The following GLIS3 variants were observed in gnomAD, a reference collection of about 807,000 sequenced individuals.
GLIS3 encodes zinc finger protein GLIS3.
Under a neutral mutation model 78.6 loss-of-function variants are expected in GLIS3, and 53 were observed. The observed-to-expected ratio is 0.67, with a 90% confidence interval of 0.54 to 0.85. The LOEUF (loss-of-function observed/expected upper bound fraction) is 0.85. Ranked by LOEUF, GLIS3 falls within the 40% of genes least tolerant of loss-of-function variation. The pLI is 0.00. For synonymous variants in GLIS3, 684 were observed against 509.9 expected (o/e 1.34, Z -4.60); for missense variants, 1,703 against 1,231.1 (o/e 1.38, Z -5.74).
intron 2 of GLIS3, among the ~76,000 whole-genome samples, chr9:4,213,610 G>C (rs1185682640): frequency 1.3e-5 from 2 of 152,112 alleles, no homozygotes; most frequent in African/African-American, 2.4e-5. Flanking sequence ...TGTGGCTAGA[G>C]ACTACCATAT....
the GLIS3 span, among the ~76,000 whole-genome samples, chr9:4,486,664 CA>C: frequency 2.6e-5 from 4 of 152,136 alleles, no homozygotes; most frequent in African/African-American, 9.7e-5. Context: ...AGCAAACCTT[CA>C]GGGGACCAAG....
rs1420979758 is a variant in GLIS3 at position 4,118,416 on chromosome 9, C to T, written c.1062G>A (p.Val354=). 6.2e-7 allele frequency: 1 copy of T among 1,609,300 alleles called. No homozygotes were observed. Among genetic ancestry groups the T allele is most frequent in the Admixed American group, 1.7e-5 (1 of 59,970 alleles). The part of the protein sequence containing the change: ...QPEVYGHFLG[V]RGSCIPQPRP... ...GCGGCTGGGGAATGCAGCTGCCGCG[C>T]ACGCCCAGGAAATGCCCGTAGACCT... Residue 354 remains valine (V), a synonymous_variant, in exon 4 of 11, where the codon GTG becomes GTA. Transcript: ENST00000381971. This position sits in a 1 kb window ranked among gnomAD's most constrained non-coding sequence, Gnocchi z 4.7.
chr9:4,198,633 C>T (rs907023584), intron 2 of GLIS3, among the ~76,000 whole-genome samples: 4 of 152,078 alleles, frequency 2.6e-5, no homozygotes, highest in African/African-American at 9.7e-5. Flanking sequence ...CCTTGGAAAA[C>T]ATATTTGAGA....
chr9:4,031,655 C>G (rs560394105), intron 4 of GLIS3, among the ~76,000 whole-genome samples: 2 of 152,236 alleles, frequency 1.3e-5, no homozygotes, highest in African/African-American at 4.8e-5. Context: ...CACTTCCATT[C>G]TTAAAATGTC....
chr9:4,017,807 C>A (rs148275797), intron 4 of GLIS3, among the ~76,000 whole-genome samples: 1 of 152,272 alleles, frequency 6.6e-6, no homozygotes, highest in East Asian at 1.9e-4. Context: ...GAAGGACGGG[C>A]ACTAAGTCTC....
chr9:4,242,749 G>C (rs530497364), intron 2 of GLIS3, among the ~76,000 whole-genome samples: 125 of 152,164 alleles, frequency 8.2e-4, no homozygotes, highest in African/African-American at 2.0e-3. Flanking sequence ...CCCAGATTCA[G>C]AAGATTTTGC....
At chr9:4,416,268 A>ATT in the GLIS3 span, among the ~76,000 whole-genome samples, 2 of 148,512 alleles carry the variant, frequency 1.3e-5, no homozygotes, top group Admixed American at 6.7e-5. Flanking sequence ...AAAAAAAAAA[A>ATT]AAAAAAAAAA....
the GLIS3 span, among the ~76,000 whole-genome samples, chr9:4,373,097 C>G: frequency 2.6e-4 from 39 of 152,326 alleles, no homozygotes; most frequent in African/African-American, 9.4e-4. Flanking sequence ...AGTGGCTTCC[C>G]TGTTTCCTAA....
At chr9:3,866,970 G>A (rs1241763461) in intron 8 of GLIS3, among the ~76,000 whole-genome samples, 3 of 152,154 alleles carry the variant, frequency 2.0e-5, no homozygotes, top group Non-Finnish European at 4.4e-5. Flanking sequence ...GAACTAGGGA[G>A]GAGGATTGGA....
chr9:4,364,806 C>T, the GLIS3 span, among the ~76,000 whole-genome samples: 1 of 106,150 alleles, frequency 9.4e-6, no homozygotes, highest in Admixed American at 1.5e-4. Flanking sequence ...GCTATGTTGC[C>T]CTATTGACCA....
At chr9:4,100,639 T>C (rs1233130803) in intron 4 of GLIS3, among the ~76,000 whole-genome samples, 3 of 152,186 alleles carry the variant, frequency 2.0e-5, no homozygotes, top group Non-Finnish European at 1.5e-5. Context: ...CAGTGGTGTC[T>C]CTTTCTTTTT....
At chr9:4,310,840 T>G (rs548183011) in intron 2 of GLIS3, among the ~76,000 whole-genome samples, 19 of 152,252 alleles carry the variant, frequency 1.2e-4, no homozygotes, top group Admixed American at 1.0e-3. Flanking sequence ...AATAAGTAAA[T>G]GGGGGTGGTG....
intron 2 of GLIS3, among the ~76,000 whole-genome samples, chr9:4,132,589 C>G (rs571374758): frequency 6.6e-6 from 1 of 151,944 alleles, no homozygotes; most frequent in Admixed American, 6.5e-5. Flanking sequence ...TATCAAATGC[C>G]AACCACTAGC....
chr9:4,246,640 C>G (rs989420059), intron 2 of GLIS3, among the ~76,000 whole-genome samples: 1 of 152,170 alleles, frequency 6.6e-6, no homozygotes, highest in Non-Finnish European at 1.5e-5. Flanking sequence ...CCACTAACTG[C>G]TACTGACTCA....
intron 8 of GLIS3, among the ~76,000 whole-genome samples, chr9:3,875,418 A>G (rs1358502697): frequency 6.6e-6 from 1 of 150,816 alleles, no homozygotes; most frequent in African/African-American, 2.4e-5. Context: ...CTGACTTCTG[A>G]CAGTGACTCA....
At chr9:4,294,241 G>C (rs1438664256) in intron 1 of GLIS3, among the ~76,000 whole-genome samples, 1 of 152,200 alleles carries the variant, frequency 6.6e-6, no homozygotes, top group Non-Finnish European at 1.5e-5. Flanking sequence ...AGGTGCGGTG[G>C]CTCACGCCTG....
At chr9:4,275,436 C>G (rs1169066489) in intron 2 of GLIS3, among the ~76,000 whole-genome samples, 1 of 152,072 alleles carries the variant, frequency 6.6e-6, no homozygotes, top group African/African-American at 2.4e-5. Context: ...CCGTGGGGTC[C>G]TATTCAGTGT....
At chr9:3,958,669 G>T (rs1041365017) in intron 4 of GLIS3, among the ~76,000 whole-genome samples, 2 of 152,198 alleles carry the variant, frequency 1.3e-5, no homozygotes, top group Non-Finnish European at 2.9e-5. Context: ...TCGCTCTCAG[G>T]AAACTCGCCC....
intron 8 of GLIS3, among the ~76,000 whole-genome samples, chr9:3,872,078 G>A (rs1314458570): frequency 2.0e-5 from 3 of 152,108 alleles, no homozygotes. Context: ...CAGGGCAGAG[G>A]CAAAATGCCA....
Sources: allele counts gnomAD v4.1 joint callset (sites outside exome capture counted in the v4.1 genomes callset), GRCh38; gene constraint gnomAD v4.1.1; non-coding constraint Gnocchi (gnomAD v3.1); transcripts MANE v1.5; gene names NCBI Gene and HGNC (gene_info 2026-07-23, HGNC 2026-07-21).